RAP1GAP2: variants seen among roughly 807,000 people sequenced by gnomAD.
RAP1GAP2 encodes the protein RAP1 GTPase activating protein 2, also known as rap1 GTPase-activating protein 2.
A neutral mutation model predicts 95.0 loss-of-function variants in RAP1GAP2; 27 were observed. The ratio of observed to expected loss-of-function variants is 0.28; its 90% CI spans 0.21 to 0.39. RAP1GAP2 has a LOEUF of 0.39. Ranked by LOEUF, RAP1GAP2 falls within the 10% of genes least tolerant of loss-of-function variation. The pLI is 1.00. For synonymous variants in RAP1GAP2, 373 were observed against 380.9 expected (o/e 0.98, Z 0.24); for missense variants, 771 against 970.0 (o/e 0.79, Z 2.72).
chr17:2,827,194 C>T lies in RAP1GAP2; in HGVS notation c.80+26644C>T, dbSNP rs567215562. 2.0e-5 allele frequency among the ~76,000 whole-genome samples: 3 copies of T among 152,138 alleles called. No homozygotes were observed. Among genetic ancestry groups the T allele is most frequent in the Non-Finnish European group, 2.9e-5 (2 of 68,036 alleles). ...TGGTGCGTTTGAGGAGCTTGTGGAT[C>T]GTCCCAGGGGTGTGTGTGGTTGGGC... On this transcript the variant is annotated intron_variant, in intron 2 of 24. Transcript: ENST00000254695. The surrounding 1 kb of genome is among the most constrained non-coding windows in gnomAD (Gnocchi z 4.1).
intron 2 of RAP1GAP2, among the ~76,000 whole-genome samples, chr17:2,848,489 T>A (rs2071681991): frequency 7.5e-6 from 1 of 134,094 alleles, no homozygotes. Flanking sequence ...CCTGCATCTC[T>A]CTCTTTTCCT....
intron 8 of RAP1GAP2, among the ~76,000 whole-genome samples, chr17:2,967,348 G>A (rs1396150421): frequency 6.6e-6 from 1 of 152,090 alleles, no homozygotes; most frequent in Non-Finnish European, 1.5e-5. Context: ...TCCAGCCTGG[G>A]CGACAGAGTG....
In RAP1GAP2 at chr17:2,904,529, C is replaced by CGTGTGTGTGTGTGT. The variant is rs1400648500; in HGVS notation, c.81-755_81-754insGTGTGTGTGTGTGT. 3.0e-5 allele frequency among the ~76,000 whole-genome samples: 1 copy of CGTGTGTGTGTGTGT among 33,648 alleles called. No homozygotes were observed. The highest frequency in any genetic ancestry group is 8.8e-5 in the Non-Finnish European group (1 of 11,420). The allele number at this position is 33,648 out of a possible 152,430, so 22.1% of individuals were successfully genotyped here. A position where few individuals can be genotyped will look rare whatever the true frequency, so the allele number is the denominator to read the frequency against. On this transcript the variant is annotated intron_variant, in intron 2 of 24. Coordinates refer to ENST00000254695, the MANE Select transcript of RAP1GAP2 (RefSeq NM_015085.5). The surrounding 1 kb of genome is among the most constrained non-coding windows in gnomAD (Gnocchi z 4.7). Reference sequence around the variant, plus strand: ...CCCGAGGACAGCTTTTTGACCAGGGCCTGTGTGTGTGTGTGTGTGTGTGTG... The same window carrying CGTGTGTGTGTGTGT: ...CCCGAGGACAGCTTTTTGACCAGGGCGTGTGTGTGTGTGTCTGTGTGTGTGTGTGTGTGTGTGTG...
At chr17:2,763,628 G>A (rs2068224713) in intron 1 of RAP1GAP2, among the ~76,000 whole-genome samples, 1 of 151,974 alleles carries the variant, frequency 6.6e-6, no homozygotes, top group Admixed American at 6.6e-5. Flanking sequence ...CTTGGGAGGT[G>A]GAGGTTGCAA....
chr17:2,778,991 T>C (rs2068574635), intron 1 of RAP1GAP2, among the ~76,000 whole-genome samples: 1 of 152,226 alleles, frequency 6.6e-6, no homozygotes, highest in Non-Finnish European at 1.5e-5. Context: ...CCGTGTGGAC[T>C]TCCAGATTGC....
At chr17:2,814,349 C>T (rs971388816) in intron 2 of RAP1GAP2, among the ~76,000 whole-genome samples, 12 of 152,186 alleles carry the variant, frequency 7.9e-5, no homozygotes, top group East Asian at 1.9e-4. Context: ...TGGGCACTTT[C>T]GCCTGTGGCT....
Position 2,993,861 on chromosome 17 carries a change from C to T in RAP1GAP2, c.915-1476C>T, listed in dbSNP as rs2045864182. On this transcript the variant is annotated intron_variant, in intron 12 of 24. Coordinates refer to ENST00000254695, the MANE Select transcript of RAP1GAP2 (RefSeq NM_015085.5). ...ACCAGCCTGGGCAACATGGTGAGAC[C>T]CTGTCATTAACAAAAATTTGAAAAA... Among the ~76,000 whole-genome samples, 3 of 151,298 alleles carry T rather than the reference C, an allele frequency of 2.0e-5. No homozygotes were observed. The South Asian group carries it at 6.3e-4, about 32-fold the overall frequency.
chr17:2,942,648 T>C (rs925879631), intron 3 of RAP1GAP2, among the ~76,000 whole-genome samples: 10 of 152,192 alleles, frequency 6.6e-5, no homozygotes, highest in African/African-American at 1.2e-4. Context: ...TCTTTTTCTC[T>C]TTTAAAAAAA....
intron 1 of RAP1GAP2, among the ~76,000 whole-genome samples, chr17:2,769,232 TAAAAAAAAAA>T (rs58436827): frequency 0.022 from 953 of 42,676 alleles, 20 homozygotes; most frequent in East Asian, 0.041. Flanking sequence ...ACCATTTCTC[TAAAAAAAAAA>T]AAAAAAAAAA....
At position 3,034,510 on chromosome 17, in the gene RAP1GAP2, TG is replaced by T; in HGVS notation, c.*1153del. ...AGTCTTGGGGGGCCCAGCCTGGCCC[TG>T]GGGCCTTTTCCAGCTACTGTGCCCT... On this transcript the variant is annotated 3_prime_UTR_variant, in exon 25 of 25. Transcript: ENST00000254695. The surrounding 1 kb of genome is among the most constrained non-coding windows in gnomAD (Gnocchi z 5.1). 6.2e-6 allele frequency: 1 copy of T among 161,298 alleles called. No individual in the cohort carries two copies. The highest frequency in any genetic ancestry group is 1.4e-5 in the Non-Finnish European group (1 of 71,560). 10.0% of individuals were successfully genotyped at this position (161,298 alleles called of 1,614,324 possible).
chr17:2,946,036 C>G (rs2043686540), intron 3 of RAP1GAP2, among the ~76,000 whole-genome samples: 1 of 152,154 alleles, frequency 6.6e-6, no homozygotes, highest in Non-Finnish European at 1.5e-5. Flanking sequence ...GGTGATCCTC[C>G]TGCCTCAGCC....
At chr17:2,861,477 CT>C (rs560177617) in intron 2 of RAP1GAP2, among the ~76,000 whole-genome samples, 438 of 132,420 alleles carry the variant, frequency 3.3e-3, no homozygotes, top group Middle Eastern at 0.028. Flanking sequence ...TCTCTGGGGT[CT>C]TTTTTTTTTT....
chr17:2,770,398 G>A (rs764274203), exon 2 of RAP1GAP2: 6 of 398,604 alleles, frequency 1.5e-5, no homozygotes, highest in Admixed American at 4.4e-5. Flanking sequence ...TCTACAGCCC[G>A]CAGCAGCATC....
At chr17:2,766,974 G>T (rs1343243159) in intron 1 of RAP1GAP2, among the ~76,000 whole-genome samples, 1 of 151,398 alleles carries the variant, frequency 6.6e-6, no homozygotes, top group Non-Finnish European at 1.5e-5. Flanking sequence ...CATCAGGGCA[G>T]CTGCACAGTT....
chr17:2,828,900 T>C (rs938061196), intron 2 of RAP1GAP2, among the ~76,000 whole-genome samples: 3 of 152,084 alleles, frequency 2.0e-5, no homozygotes, highest in Non-Finnish European at 1.5e-5. Context: ...CTTTTGCTTT[T>C]CTTTTTGCTC....
chr17:2,883,320 G>A (rs577846651), intron 2 of RAP1GAP2, among the ~76,000 whole-genome samples: 1 of 152,302 alleles, frequency 6.6e-6, no homozygotes, highest in East Asian at 1.9e-4. Context: ...GCCCAGGGAC[G>A]CTCCTCCATT....
chr17:2,830,481 C>T lies in RAP1GAP2; in HGVS notation c.80+29931C>T, dbSNP rs188206740. On this transcript the variant is annotated intron_variant, in intron 2 of 24. Coordinates refer to ENST00000254695, the MANE Select transcript of RAP1GAP2 (RefSeq NM_015085.5). ...CTGTAATCCCAGCACTTTGGGAGGCCGAGGCGGGCAGATCACGATGTCAAG... is the reference window on the plus strand; with the variant it reads ...CTGTAATCCCAGCACTTTGGGAGGCTGAGGCGGGCAGATCACGATGTCAAG... Among the ~76,000 whole-genome samples the T allele has an allele frequency of 5.0e-3, 754 of 151,828 alleles. 3 individuals are homozygous for T. Among genetic ancestry groups the T allele is most frequent in the African/African-American group, 0.017 (694 of 41,354 alleles).
upstream of RAP1GAP2, among the ~76,000 whole-genome samples, chr17:2,795,522 C>T (rs1377068113): frequency 2.6e-5 from 4 of 152,120 alleles, no homozygotes; most frequent in African/African-American, 9.7e-5. Flanking sequence ...ACATGGGTAC[C>T]GCCCCCCCAC....
intron 2 of RAP1GAP2, among the ~76,000 whole-genome samples, chr17:2,853,169 C>G (rs1239358430): frequency 6.6e-6 from 1 of 152,092 alleles, no homozygotes; most frequent in Admixed American, 6.5e-5. Context: ...GCCGACTCTG[C>G]GGGGAGGCGG....
Sources: gnomAD v4.1 joint callset for allele counts (sites outside exome capture counted in the v4.1 genomes callset) on GRCh38, gnomAD v4.1.1 for gene constraint, Gnocchi (gnomAD v3.1) non-coding constraint, MANE v1.5 for transcripts, NCBI Gene and HGNC (gene_info 2026-07-23, HGNC 2026-07-21) for gene names.